Variants in IL1RAPL1 observed in about 807,000 individuals in gnomAD.
IL1RAPL1 encodes the protein interleukin-1 receptor accessory protein-like 1.
Under a neutral mutation model 48.4 loss-of-function variants are expected in IL1RAPL1, and 3 were observed. That is an observed-to-expected ratio of 0.06 (90% confidence interval 0.03 to 0.16). The LOEUF (loss-of-function observed/expected upper bound fraction) is 0.16, where lower values mean the gene tolerates loss of function less well. Ranked by LOEUF, IL1RAPL1 falls within the 10% of genes least tolerant of loss-of-function variation. The pLI is 1.00. For missense variants in IL1RAPL1, 349 were observed against 530.6 expected, an observed-to-expected ratio of 0.66 and a Z score of 3.36; for synonymous variants, 185 against 187.7, an observed-to-expected ratio of 0.99 and a Z score of 0.12.
chrX:29,046,032 T>TCTC (rs201916310), intron 2 of IL1RAPL1, among the ~76,000 whole-genome samples: 270 of 86,035 alleles, frequency 3.1e-3, no homozygotes, highest in Non-Finnish European at 4.4e-3. Flanking sequence ...TTCCTCTTCT[T>TCTC]CTCCTCCTCC....
chrX:29,954,042 C>T (rs1601899241), intron 9 of IL1RAPL1, among the ~76,000 whole-genome samples: 1 of 109,478 alleles, frequency 9.1e-6, no homozygotes, highest in South Asian at 4.0e-4. Flanking sequence ...TCAAGACCAG[C>T]CTGGCCAACA....
intron 8 of IL1RAPL1, among the ~76,000 whole-genome samples, chrX:29,937,364 G>A (rs1395036697): frequency 1.8e-5 from 2 of 112,054 alleles, no homozygotes; most frequent in African/African-American, 3.2e-5. Context: ...ATTTGCTGGG[G>A]CAACACCATT....
At chrX:29,332,946 G>C (rs767525678) in intron 3 of IL1RAPL1, among the ~76,000 whole-genome samples, 142 of 109,955 alleles carry the variant, frequency 1.3e-3, no homozygotes, top group African/African-American at 4.5e-3. Context: ...ACATGTTTCA[G>C]AGAGCACAGG....
chrX:29,780,947 A>G (rs187392357), intron 6 of IL1RAPL1, among the ~76,000 whole-genome samples: 162 of 111,320 alleles, frequency 1.5e-3, no homozygotes, highest in African/African-American at 4.9e-3. Flanking sequence ...AACAAAGAGT[A>G]TATTAAATAA....
At chrX:29,348,928 G>C (rs1933186641) in intron 3 of IL1RAPL1, among the ~76,000 whole-genome samples, 1 of 111,834 alleles carries the variant, frequency 8.9e-6, no homozygotes, top group African/African-American at 3.3e-5. Flanking sequence ...TTTCTATCCT[G>C]ATTTGAACTT....
chrX:29,118,984 G>A (rs1223379111), intron 2 of IL1RAPL1, among the ~76,000 whole-genome samples: 1 of 110,992 alleles, frequency 9.0e-6, no homozygotes, highest in Non-Finnish European at 1.9e-5. Flanking sequence ...GAATCATGGA[G>A]CATTGTATTT....
At chrX:28,779,896 T>A (rs1009977530) in intron 1 of IL1RAPL1, among the ~76,000 whole-genome samples, 10 of 108,457 alleles carry the variant, frequency 9.2e-5, no homozygotes, top group Non-Finnish European at 1.9e-5. Flanking sequence ...CATCACTAAT[T>A]AATGAGGGAA....
chrX:29,876,093 C>A (rs1271452611), intron 6 of IL1RAPL1, among the ~76,000 whole-genome samples: 1 of 111,327 alleles, frequency 9.0e-6, no homozygotes, highest in Non-Finnish European at 1.9e-5. Flanking sequence ...CACTACTACC[C>A]AAGAGGGAAG....
chrX:29,003,319 C>T (rs1925901543), intron 2 of IL1RAPL1, among the ~76,000 whole-genome samples: 1 of 111,447 alleles, frequency 9.0e-6, no homozygotes, highest in Non-Finnish European at 1.9e-5. Context: ...ATAGGTAGAT[C>T]TTGACAGATT....
intron 2 of IL1RAPL1, among the ~76,000 whole-genome samples, chrX:28,910,184 G>T (rs1195250481): frequency 9.0e-6 from 1 of 111,106 alleles, no homozygotes; most frequent in Non-Finnish European, 1.9e-5. Flanking sequence ...AATTCTATTG[G>T]TTCTCTGACA....
intron 5 of IL1RAPL1, among the ~76,000 whole-genome samples, chrX:29,545,628 A>G (rs1014154538): frequency 4.5e-5 from 5 of 112,206 alleles, no homozygotes; most frequent in Non-Finnish European, 7.5e-5. Flanking sequence ...AGCGTCATGT[A>G]TGTGAAATCC....
intron 3 of IL1RAPL1, among the ~76,000 whole-genome samples, chrX:29,300,199 C>G (rs1234642680): frequency 9.0e-6 from 1 of 111,493 alleles, no homozygotes; most frequent in African/African-American, 3.3e-5. Context: ...TGGACTAAGA[C>G]AATGATCCTT....
intron 2 of IL1RAPL1, among the ~76,000 whole-genome samples, chrX:29,241,072 C>T (rs372948574): frequency 3.1e-4 from 35 of 112,018 alleles, no homozygotes; most frequent in African/African-American, 7.8e-4. Flanking sequence ...TTATAGTGTC[C>T]GTGAAACTTT....
intron 2 of IL1RAPL1, among the ~76,000 whole-genome samples, chrX:29,190,898 T>C (rs1054507051): frequency 7.1e-5 from 8 of 112,015 alleles, no homozygotes; most frequent in African/African-American, 2.6e-4. Context: ...TACTGGTGTA[T>C]TGAGGATCTG....
chrX:29,171,519 G>C (rs780119470), intron 2 of IL1RAPL1, among the ~76,000 whole-genome samples: 5 of 111,648 alleles, frequency 4.5e-5, no homozygotes, highest in African/African-American at 1.6e-4. Flanking sequence ...AAAACGCTTA[G>C]TTGATATTAA....
At chrX:28,757,362 A>G (rs1340515303) in intron 1 of IL1RAPL1, among the ~76,000 whole-genome samples, 2 of 112,694 alleles carry the variant, frequency 1.8e-5, no homozygotes, top group African/African-American at 3.2e-5. Flanking sequence ...AAATGTTCTT[A>G]AAGGTTTGTT....
intron 3 of IL1RAPL1, among the ~76,000 whole-genome samples, chrX:29,312,385 A>G (rs1239174176): frequency 9.0e-6 from 1 of 111,391 alleles, no homozygotes; most frequent in Non-Finnish European, 1.9e-5. Context: ...AGATCGTACC[A>G]CTGCACTCCA....
intron 5 of IL1RAPL1, among the ~76,000 whole-genome samples, chrX:29,498,389 T>C (rs950678686): frequency 1.8e-5 from 2 of 111,943 alleles, no homozygotes; most frequent in Non-Finnish European, 3.8e-5. Flanking sequence ...CATTTCTATT[T>C]CATTTCTTTT....
At chrX:29,031,174 T>C (rs757488706) in intron 2 of IL1RAPL1, among the ~76,000 whole-genome samples, 7 of 112,380 alleles carry the variant, frequency 6.2e-5, no homozygotes, top group Admixed American at 1.9e-4. Flanking sequence ...TTTAGGAAAC[T>C]AAAGCAGAAT....
Sources: allele counts gnomAD v4.1 joint callset (sites outside exome capture counted in the v4.1 genomes callset), GRCh38; gene constraint gnomAD v4.1.1; transcripts MANE v1.5; gene names NCBI Gene and HGNC (gene_info 2026-07-23, HGNC 2026-07-21).